The following SLC25A21 variants were observed in gnomAD, a reference collection of about 807,000 sequenced individuals.
SLC25A21 encodes mitochondrial 2-oxodicarboxylate carrier.
In SLC25A21, 47 loss-of-function variants were observed where a neutral mutation model predicts 43.8. The ratio of observed to expected loss-of-function variants is 1.07; its 90% CI spans 0.85 to 1.37. The LOEUF (loss-of-function observed/expected upper bound fraction) is 1.37, where lower values mean the gene tolerates loss of function less well. Ranked by LOEUF, SLC25A21 falls within the 40% of genes most tolerant of loss-of-function variation. The probability of loss-of-function intolerance (pLI) is 0.00; values close to 1 mark genes in which losing one functional copy is unlikely to be tolerated. For synonymous variants in SLC25A21, 131 were observed against 121.3 expected (o/e 1.08, Z -0.52); for missense variants, 352 against 350.2 (o/e 1.00, Z -0.04).
chr14:36,867,076 T>C (rs1241714305), intron 2 of SLC25A21, among the ~76,000 whole-genome samples: 2 of 152,038 alleles, frequency 1.3e-5, no homozygotes, highest in Non-Finnish European at 2.9e-5. Flanking sequence ...TCAAAGCTTG[T>C]TCCACACACT....
chr14:36,794,494 G>A (rs191417626), intron 3 of SLC25A21, among the ~76,000 whole-genome samples: 1 of 152,274 alleles, frequency 6.6e-6, no homozygotes, highest in South Asian at 2.1e-4. Context: ...CAAGCTGGGA[G>A]TGGTGGCTCA....
rs138489592 is a variant in SLC25A21 at position 36,967,684 on chromosome 14, A to T, written c.71-92680T>A. ...TACTTTCCTAAGGATATACAAATCA[A>T]ATGTCAACCGAATCCAGCAGTAACA... On this transcript the variant is annotated intron_variant, in intron 1 of 9. Coordinates refer to ENST00000331299, the MANE Select transcript of SLC25A21 (RefSeq NM_030631.4). 1.5e-3 allele frequency among the ~76,000 whole-genome samples: 228 copies of T among 152,336 alleles called. 1 individual carries two copies. The highest frequency in any genetic ancestry group is 5.3e-3 in the African/African-American group (221 of 41,594).
intron 3 of SLC25A21, among the ~76,000 whole-genome samples, chr14:36,777,242 A>C (rs1335731831): frequency 6.6e-6 from 1 of 152,230 alleles, no homozygotes; most frequent in African/African-American, 2.4e-5. Flanking sequence ...TGGGCAACAC[A>C]GCGAGACTCT....
chr14:36,819,304 G>T (rs1321721782), intron 2 of SLC25A21, among the ~76,000 whole-genome samples: 1 of 152,116 alleles, frequency 6.6e-6, no homozygotes, highest in Non-Finnish European at 1.5e-5. Context: ...AGCCAACAGG[G>T]TAAGGAAGGG....
intron 1 of SLC25A21, among the ~76,000 whole-genome samples, chr14:37,029,425 G>C (rs992186277): frequency 2.0e-5 from 3 of 152,056 alleles, no homozygotes; most frequent in Admixed American, 2.0e-4. Flanking sequence ...AAGTCTTTGT[G>C]AATAGGCAAA....
intron 1 of SLC25A21, among the ~76,000 whole-genome samples, chr14:37,168,085 C>A (rs1964062480): frequency 6.6e-6 from 1 of 152,040 alleles, no homozygotes; most frequent in African/African-American, 2.4e-5. Flanking sequence ...GCCTGGGATC[C>A]CACATTTTCA....
In SLC25A21 at chr14:36,815,709, C is replaced by T. The variant is rs1888431039; in HGVS notation, c.120-1708G>A. Among the ~76,000 whole-genome samples the T allele has an allele frequency of 2.6e-5, 4 of 152,200 alleles. No individual in the cohort carries two copies. The South Asian group carries it at 8.3e-4, about 32-fold the overall frequency. On this transcript the variant is annotated intron_variant, in intron 2 of 9. Transcript: ENST00000331299. ...CTTATCTTTTTGTTTTGTATTTGCT[C>T]TGGAGTTTGTTTCTAAAGAGGTTTA...
intron 2 of SLC25A21, among the ~76,000 whole-genome samples, chr14:36,854,932 G>GT (rs1889852757): frequency 7.5e-6 from 1 of 132,974 alleles, no homozygotes; most frequent in South Asian, 2.4e-4. Flanking sequence ...GGGGCATGAG[G>GT]TGGGGGGGGG....
At chr14:37,124,603 G>T (rs1360906853) in intron 1 of SLC25A21, among the ~76,000 whole-genome samples, 3 of 152,174 alleles carry the variant, frequency 2.0e-5, no homozygotes, top group African/African-American at 7.2e-5. Flanking sequence ...GAAAATATCA[G>T]TAACCTCTCT....
intron 7 of SLC25A21, among the ~76,000 whole-genome samples, chr14:36,698,873 C>T (rs1440424572): frequency 1.3e-5 from 2 of 152,170 alleles, no homozygotes; most frequent in African/African-American, 4.8e-5. Flanking sequence ...CCTCGTTTAG[C>T]TCAGAGAAGT....
At chr14:36,943,608 G>T (rs974270793) in intron 1 of SLC25A21, among the ~76,000 whole-genome samples, 1 of 152,128 alleles carries the variant, frequency 6.6e-6, no homozygotes, top group African/African-American at 2.4e-5. Flanking sequence ...CTGAGTCCCT[G>T]CCCTGCTGCT....
At chr14:37,007,032 C>G (rs1169252087) in intron 1 of SLC25A21, among the ~76,000 whole-genome samples, 2 of 152,162 alleles carry the variant, frequency 1.3e-5, no homozygotes, top group Non-Finnish European at 2.9e-5. Flanking sequence ...GACATTTTAT[C>G]AGTTCACCAA....
At chr14:36,904,079 A>G (rs190196428) in intron 1 of SLC25A21, among the ~76,000 whole-genome samples, 3 of 152,350 alleles carry the variant, frequency 2.0e-5, no homozygotes, top group African/African-American at 7.2e-5. Flanking sequence ...TTGAAAGAGC[A>G]TCCTCTGACA....
At chr14:36,805,587 T>C (rs1031735198) in intron 3 of SLC25A21, among the ~76,000 whole-genome samples, 5 of 152,180 alleles carry the variant, frequency 3.3e-5, no homozygotes, top group Non-Finnish European at 7.4e-5. Flanking sequence ...CAGAATAATC[T>C]GGTAAGATAG....
rs75316214 is a variant in SLC25A21 at position 36,943,512 on chromosome 14, T to A, written c.71-68508A>T. ...CTGGCCCTAGGCTTGTTTTGTATCA[T>A]GTCTTAGACATGTAGGGGTTTATTT... On this transcript the variant is annotated intron_variant, in intron 1 of 9. Coordinates refer to ENST00000331299, the MANE Select transcript of SLC25A21 (RefSeq NM_030631.4). Among the ~76,000 whole-genome samples the A allele has an allele frequency of 1.9e-3, 287 of 152,316 alleles. 2 individuals are homozygous for A. The highest frequency in any genetic ancestry group is 6.4e-3 in the African/African-American group (265 of 41,580).
chr14:36,857,927 A>AT (rs1036795547), intron 2 of SLC25A21, among the ~76,000 whole-genome samples: 1 of 152,066 alleles, frequency 6.6e-6, no homozygotes. Flanking sequence ...CGGGGGGAAT[A>AT]TTTTTTTCAC....
intron 3 of SLC25A21, among the ~76,000 whole-genome samples, chr14:36,805,319 T>C (rs1021567345): frequency 4.6e-5 from 7 of 152,056 alleles, no homozygotes; most frequent in Non-Finnish European, 1.0e-4. Flanking sequence ...GGAGTGTGAG[T>C]GTCAGCTAGC....
chr14:37,132,967 C>T (rs1963415883), intron 1 of SLC25A21, among the ~76,000 whole-genome samples: 1 of 152,070 alleles, frequency 6.6e-6, no homozygotes, highest in Non-Finnish European at 1.5e-5. Context: ...TGGGCTCAAG[C>T]AATCCTCCCG....
intron 6 of SLC25A21, among the ~76,000 whole-genome samples, chr14:36,717,967 A>G (rs965414662): frequency 2.0e-5 from 3 of 152,166 alleles, no homozygotes; most frequent in African/African-American, 7.2e-5. Flanking sequence ...GTTGGCAAAA[A>G]TCAACTAATT....
Sources: allele counts gnomAD v4.1 joint callset (sites outside exome capture counted in the v4.1 genomes callset), GRCh38; gene constraint gnomAD v4.1.1; transcripts MANE v1.5; gene names NCBI Gene and HGNC (gene_info 2026-07-23, HGNC 2026-07-21).